Variants in CELF2 observed in about 807,000 individuals in gnomAD.
CELF2 encodes the protein CUG triplet repeat RNA-binding protein 2.
In CELF2, 8 loss-of-function variants were observed where a neutral mutation model predicts 62.6. The observed-to-expected ratio is 0.13, with a 90% CI of 0.07 to 0.23. CELF2 has a LOEUF of 0.23. Among genes scored for constraint, CELF2 ranks in the 10% least tolerant of loss-of-function variants. The pLI, the probability that CELF2 is intolerant of heterozygous loss-of-function variation, is 1.00. For synonymous variants in CELF2, 258 were observed against 250.0 expected (o/e 1.03, Z -0.30); for missense variants, 333 against 671.0 (o/e 0.50, Z 5.56).
At position 11,334,780 on chromosome 10, in the gene CELF2, T is replaced by G. The variant is rs2096088238; in HGVS notation, c.*5727T>G. 6.6e-6 allele frequency: 1 copy of G among 152,214 alleles called. No individual in the cohort carries two copies. The highest frequency in any genetic ancestry group is 6.5e-5 in the Admixed American group (1 of 15,284). 9.4% of individuals were successfully genotyped at this position (152,214 alleles called of 1,614,324 possible). On this transcript the variant is annotated 3_prime_UTR_variant, in exon 13 of 13. Transcript: ENST00000633077. ...ACCCACGAGGCCAAACCCGCATCAT[T>G]ACAGTCCAACTCTTCTTAGACACTA... is the stretch of plus-strand genomic sequence containing the variant.
chr10:11,093,483 AGAGT>A (rs1237319332), intron 1 of CELF2, among the ~76,000 whole-genome samples: 1 of 152,232 alleles, frequency 6.6e-6, no homozygotes, highest in East Asian at 1.9e-4. Context: ...AGGAGGAAGA[AGAGT>A]AAGATTACCT....
chr10:10,648,245 C>A, the CELF2 span, among the ~76,000 whole-genome samples: 1 of 152,188 alleles, frequency 6.6e-6, no homozygotes. Flanking sequence ...ATATCAACAT[C>A]CAGCATCCAT....
intron 1 of CELF2, chr10:11,030,925 C>G (rs1376886082): frequency 6.6e-6 from 1 of 152,236 alleles, no homozygotes; most frequent in South Asian, 2.1e-4. Flanking sequence ...GAGGCAGATT[C>G]TCACTTACTG....
intron 1 of CELF2, among the ~76,000 whole-genome samples, chr10:11,142,615 T>C (rs1482278680): frequency 1.4e-5 from 2 of 140,632 alleles, no homozygotes; most frequent in African/African-American, 5.5e-5. Flanking sequence ...ACCCGGGAGG[T>C]AGGGCTTGCA....
upstream of CELF2, chr10:10,798,376 G>C (rs2054290370): frequency 5.7e-6 from 1 of 174,580 alleles, no homozygotes; most frequent in African/African-American, 2.4e-5. Context: ...AGTAATCTGC[G>C]AATGATTGCT....
intron 9 of CELF2, among the ~76,000 whole-genome samples, chr10:11,298,502 G>A (rs913320652): frequency 6.6e-6 from 1 of 152,210 alleles, no homozygotes; most frequent in African/African-American, 2.4e-5. Context: ...TCATGCCGGG[G>A]CAGAGGTTTA....
At chr10:11,125,712 T>C (rs1035217197) in intron 1 of CELF2, among the ~76,000 whole-genome samples, 5 of 152,232 alleles carry the variant, frequency 3.3e-5, no homozygotes, top group African/African-American at 1.2e-4. Context: ...TTTGCTATCC[T>C]GTCCACTTAC....
intron 1 of CELF2, among the ~76,000 whole-genome samples, chr10:10,865,548 C>T (rs1287656261): frequency 6.6e-6 from 1 of 152,174 alleles, no homozygotes; most frequent in Non-Finnish European, 1.5e-5. Flanking sequence ...AAGTCATTCT[C>T]AGTTTTTATT....
chr10:10,916,833 G>A (rs1297109560), intron 1 of CELF2, among the ~76,000 whole-genome samples: 3 of 151,876 alleles, frequency 2.0e-5, no homozygotes, highest in African/African-American at 7.3e-5. Flanking sequence ...GGCTGGTCTC[G>A]AACTCCTGGC....
intron 1 of CELF2, among the ~76,000 whole-genome samples, chr10:11,121,184 G>A (rs964109729): frequency 3.9e-5 from 6 of 151,950 alleles, no homozygotes; most frequent in African/African-American, 1.2e-4. Context: ...CAATTTCCAG[G>A]CATAGAAAAC....
At chr10:10,814,289 C>A (rs1465678301) in intron 1 of CELF2, among the ~76,000 whole-genome samples, 5 of 142,854 alleles carry the variant, frequency 3.5e-5, no homozygotes, top group African/African-American at 1.3e-4. Context: ...CAGCTGGGAT[C>A]ATTTATTGCC....
chr10:10,708,917 G>A, the CELF2 span, among the ~76,000 whole-genome samples: 1 of 152,130 alleles, frequency 6.6e-6, no homozygotes, highest in African/African-American at 2.4e-5. Flanking sequence ...ATCCAAATAG[G>A]CTAAATTTAT....
At chr10:10,787,988 C>G in the CELF2 span, among the ~76,000 whole-genome samples, 305 of 152,244 alleles carry the variant, frequency 2.0e-3, 2 homozygotes, top group African/African-American at 6.9e-3. Flanking sequence ...AAAATCATAT[C>G]ACCAATAGAC....
At chr10:10,549,684 T>C in the CELF2 span, among the ~76,000 whole-genome samples, 4 of 152,220 alleles carry the variant, frequency 2.6e-5, no homozygotes, top group Admixed American at 1.3e-4. Flanking sequence ...TATGTTCTCA[T>C]TGACTCTTAA....
chr10:11,095,682 T>C (rs1225866139), intron 1 of CELF2, among the ~76,000 whole-genome samples: 2 of 152,218 alleles, frequency 1.3e-5, no homozygotes, highest in Non-Finnish European at 2.9e-5. Flanking sequence ...GGTAGAATTT[T>C]TGTTTCGCAA....
the CELF2 span, among the ~76,000 whole-genome samples, chr10:10,788,233 C>A: frequency 6.6e-6 from 1 of 152,040 alleles, no homozygotes; most frequent in African/African-American, 2.4e-5. Flanking sequence ...AATAGAAGGT[C>A]AGAGGCAAAC....
chr10:10,905,747 G>T (rs989855590), intron 1 of CELF2, among the ~76,000 whole-genome samples: 1 of 151,954 alleles, frequency 6.6e-6, no homozygotes, highest in Non-Finnish European at 1.5e-5. Context: ...GTGTGGTGGC[G>T]GGCAACTGTA....
At chr10:11,028,412 T>C (rs1368431369) in intron 1 of CELF2, among the ~76,000 whole-genome samples, 1 of 106,534 alleles carries the variant, frequency 9.4e-6, no homozygotes, top group Non-Finnish European at 1.9e-5. Context: ...TTTTCTTTTC[T>C]TTTCTTTTTC....
At chr10:11,118,966 G>T (rs1399933051) in intron 1 of CELF2, among the ~76,000 whole-genome samples, 2 of 152,148 alleles carry the variant, frequency 1.3e-5, no homozygotes, top group Admixed American at 6.6e-5. Context: ...GCCAGTCTCC[G>T]ATGGTGACTT....
Sources: allele counts gnomAD v4.1 joint callset (sites outside exome capture counted in the v4.1 genomes callset), GRCh38; gene constraint gnomAD v4.1.1; transcripts MANE v1.5; gene names NCBI Gene and HGNC (gene_info 2026-07-23, HGNC 2026-07-21).